KDM4C: variants seen among roughly 807,000 people sequenced by gnomAD.
KDM4C encodes the protein lysine-specific demethylase 4C.
A neutral mutation model predicts 129.3 loss-of-function variants in KDM4C; 81 were observed. The observed-to-expected ratio is 0.63, with a 90% CI of 0.52 to 0.75. KDM4C has a LOEUF of 0.75. KDM4C is among the 30% of genes least tolerant of loss of function. KDM4C has a pLI of 0.00. For synonymous variants in KDM4C, 573 were observed against 456.1 expected, an observed-to-expected ratio of 1.26 and a Z score of -3.26; for missense variants, 1,457 against 1,304.0, an observed-to-expected ratio of 1.12 and a Z score of -1.81.
At chr9:7,016,774 C>A (rs146892580) in intron 15 of KDM4C, among the ~76,000 whole-genome samples, 1 of 152,140 alleles carries the variant, frequency 6.6e-6, no homozygotes, top group African/African-American at 2.4e-5. Flanking sequence ...GCTGCAGGGA[C>A]TGTCAATTTA....
At chr9:6,987,930 G>A (rs1818007442) in intron 11 of KDM4C, among the ~76,000 whole-genome samples, 1 of 151,640 alleles carries the variant, frequency 6.6e-6, no homozygotes, top group South Asian at 2.1e-4. Flanking sequence ...ACTGTGGTGG[G>A]AGGATCCCCT....
chr9:6,793,029 G>T lies in KDM4C; in HGVS notation c.41G>T (p.Cys14Phe), dbSNP rs1349136272. ...GTGGAAAGTCCTCTGAACCCCAGCT[G>T]TAAGATAATGACCTTCAGACCCTCC... is the stretch of plus-strand genomic sequence containing the variant. ...AEVESPLNPS[C>F]KIMTFRPSME... Residue 14 changes from cysteine to phenylalanine, a missense_variant, in exon 2 of 22, where the codon TGT (cysteine) becomes TTT (phenylalanine). Cys to Phe is a radical substitution (Grantham distance 205). Transcript: ENST00000381309. 1.9e-6 allele frequency: 3 copies of T among 1,614,042 alleles called. No homozygotes were observed. Among genetic ancestry groups the T allele is most frequent in the Non-Finnish European group, 2.5e-6 (3 of 1,180,032 alleles).
intron 8 of KDM4C, among the ~76,000 whole-genome samples, chr9:6,939,976 ACCTTCCTTCCTTCCTT>A (rs1186438155): frequency 0.014 from 1,305 of 93,456 alleles, 13 homozygotes; most frequent in Admixed American, 0.02. Flanking sequence ...CTACCTACCT[ACCTTCCTTCCTTCCTT>A]CCTTCCTTCC....
At chr9:6,956,666 T>A (rs1829118241) in intron 8 of KDM4C, among the ~76,000 whole-genome samples, 1 of 152,204 alleles carries the variant, frequency 6.6e-6, no homozygotes, top group Admixed American at 6.5e-5. Context: ...GATCATATAA[T>A]ACACAGAGCC....
At chr9:7,060,989 A>G (rs569573765) in intron 17 of KDM4C, among the ~76,000 whole-genome samples, 65 of 152,146 alleles carry the variant, frequency 4.3e-4, no homozygotes, top group Non-Finnish European at 7.8e-4. Flanking sequence ...TGTATCTCTC[A>G]ATCTGTCCGC....
chr9:7,019,924 A>G (rs1776319462), intron 15 of KDM4C, among the ~76,000 whole-genome samples: 2 of 151,752 alleles, frequency 1.3e-5, no homozygotes, highest in African/African-American at 4.8e-5. Flanking sequence ...GGCTGGAGTC[A>G]ATAATCATAG....
intron 5 of KDM4C, among the ~76,000 whole-genome samples, chr9:6,858,859 T>G (rs1840411229): frequency 6.6e-6 from 1 of 152,142 alleles, no homozygotes; most frequent in Non-Finnish European, 1.5e-5. Context: ...TCTTTTTTTT[T>G]TTGTTTTCAC....
At chr9:7,116,703 G>A (rs1286061997) in intron 18 of KDM4C, among the ~76,000 whole-genome samples, 2 of 152,176 alleles carry the variant, frequency 1.3e-5, no homozygotes, top group African/African-American at 2.4e-5. Context: ...CACTCCTGCC[G>A]TGGATGTGAT....
intron 17 of KDM4C, among the ~76,000 whole-genome samples, chr9:7,102,309 CTTTTTTTTTTTTTTT>C (rs34614459): frequency 1.3e-3 from 114 of 89,996 alleles, no homozygotes; most frequent in African/African-American, 4.8e-3. Context: ...ATGGTTTTCC[CTTTTTTTTTTTTTTT>C]TTTTTTTTTG....
intron 17 of KDM4C, among the ~76,000 whole-genome samples, chr9:7,084,417 T>C (rs1834884721): frequency 6.6e-6 from 1 of 152,246 alleles, no homozygotes; most frequent in Non-Finnish European, 1.5e-5. Flanking sequence ...ACATGAATGA[T>C]AGATAGTCTA....
chr9:7,123,007 A>T (rs1928209), intron 18 of KDM4C, among the ~76,000 whole-genome samples: 1 of 152,232 alleles, frequency 6.6e-6, no homozygotes, highest in South Asian at 2.1e-4. Context: ...GTTATGGGGT[A>T]TGCTTGTCAA....
At chr9:6,814,448 A>G (rs1417058764) in intron 3 of KDM4C, among the ~76,000 whole-genome samples, 183 bp from the exon 4 acceptor site, 1 of 152,216 alleles carries the variant, frequency 6.6e-6, no homozygotes, top group Non-Finnish European at 1.5e-5. Flanking sequence ...AGTATTCAGC[A>G]ATCTTAAGAC....
chr9:6,895,217 C>T (rs1846672418), intron 8 of KDM4C, among the ~76,000 whole-genome samples: 1 of 152,204 alleles, frequency 6.6e-6, no homozygotes, highest in African/African-American at 2.4e-5. Context: ...TCTCATGGTT[C>T]TGTAGGTAAT....
At chr9:7,083,351 T>G (rs1314988499) in intron 17 of KDM4C, among the ~76,000 whole-genome samples, 1 of 152,232 alleles carries the variant, frequency 6.6e-6, no homozygotes, top group Non-Finnish European at 1.5e-5. Context: ...ATTTTGGACT[T>G]TGAACTTTTG....
chr9:6,870,070 A>G (rs1376179176), intron 5 of KDM4C, among the ~76,000 whole-genome samples: 1 of 152,234 alleles, frequency 6.6e-6, no homozygotes, highest in Non-Finnish European at 1.5e-5. Context: ...TAAAAAGTGT[A>G]TTATAAATTA....
intron 4 of KDM4C, among the ~76,000 whole-genome samples, chr9:6,843,885 C>A (rs1272207248): frequency 1.3e-5 from 2 of 152,162 alleles, no homozygotes; most frequent in Non-Finnish European, 2.9e-5. Flanking sequence ...ACATCTCACT[C>A]TGTTGCCTAG....
intron 1 of KDM4C, chr9:6,734,595 G>T: frequency 4.3e-6 from 1 of 233,392 alleles, no homozygotes; most frequent in Middle Eastern, 1.5e-3. Flanking sequence ...TGCCTGGCCT[G>T]CATTCCTCTG....
chr9:6,731,080 G>A (rs1341160103), intron 1 of KDM4C, among the ~76,000 whole-genome samples: 1 of 152,096 alleles, frequency 6.6e-6, no homozygotes, highest in Admixed American at 6.6e-5. Context: ...ACCAAAACTT[G>A]AGTCATTGAT....
intron 1 of KDM4C, among the ~76,000 whole-genome samples, chr9:6,743,122 G>A (rs893731798): frequency 6.6e-6 from 1 of 152,140 alleles, no homozygotes; most frequent in Admixed American, 6.6e-5. Context: ...GCTGACAAAG[G>A]ATTACTAATA....
Sources: allele counts gnomAD v4.1 joint callset (sites outside exome capture counted in the v4.1 genomes callset), GRCh38; gene constraint gnomAD v4.1.1; transcripts MANE v1.5; gene names NCBI Gene and HGNC (gene_info 2026-07-23, HGNC 2026-07-21).